STOX2: variants seen among roughly 807,000 people sequenced by gnomAD.
The protein encoded by STOX2 is storkhead box 2, also known as storkhead-box protein 2.
In STOX2, 28 loss-of-function variants were observed where a neutral mutation model predicts 60.9. The ratio of observed to expected loss-of-function variants is 0.46; its 90% confidence interval spans 0.34 to 0.63. The LOEUF is 0.63. Among genes scored for constraint, STOX2 ranks in the 30% least tolerant of loss-of-function variants. The pLI is 0.01. For synonymous variants in STOX2, 472 were observed against 463.9 expected (o/e 1.02, Z -0.22); for missense variants, 1,024 against 1,187.7 (o/e 0.86, Z 2.03).
At position 183,988,452 on chromosome 4, in the gene STOX2, C is replaced by T. The variant is rs182017328; in HGVS notation, c.167-12873C>T. On this transcript the variant is annotated intron_variant, in intron 1 of 3. Transcript: ENST00000308497. ...TTTTTTTTCCCTCCTCAAAACGTTA[C>T]CAGCAAAGTACATTCACAGAGCCTT... 3 of 152,156 alleles carry T rather than the reference C, an allele frequency of 2.0e-5. No homozygotes were observed. The East Asian group carries it at 5.8e-4, about 30-fold the overall frequency. 9.4% of individuals were successfully genotyped at this position (152,156 alleles called of 1,614,324 possible). A position where few individuals can be genotyped will look rare whatever the true frequency, so the allele number is the denominator to read the frequency against.
intron 1 of STOX2, among the ~76,000 whole-genome samples, chr4:183,888,025 A>C (rs1205359133): frequency 6.6e-6 from 1 of 152,174 alleles, no homozygotes; most frequent in African/African-American, 2.4e-5. Flanking sequence ...AAGTGTTGGG[A>C]TTACAGGTGT....
intron 1 of STOX2, among the ~76,000 whole-genome samples, chr4:183,979,005 T>G (rs1732547754): frequency 6.6e-6 from 1 of 152,244 alleles, no homozygotes; most frequent in Non-Finnish European, 1.5e-5. Flanking sequence ...AAGTGAATGG[T>G]ACCCGATTTT....
At chr4:183,833,059 G>T (rs188895141) in intron 1 of STOX2, among the ~76,000 whole-genome samples, 29 of 152,312 alleles carry the variant, frequency 1.9e-4, no homozygotes, top group African/African-American at 6.7e-4. Flanking sequence ...TATCCATGGC[G>T]ATGGTCTACC....
At chr4:183,893,530 A>T (rs547220423) in intron 1 of STOX2, among the ~76,000 whole-genome samples, 1 of 152,308 alleles carries the variant, frequency 6.6e-6, no homozygotes, top group South Asian at 2.1e-4. Context: ...TTTGCAACAG[A>T]TCTTGAGTCT....
Position 184,021,368 on chromosome 4 carries a change from A to G in STOX2, c.*4084A>G, listed in dbSNP as rs1010789382. On this transcript the variant is annotated 3_prime_UTR_variant, in exon 4 of 4. Coordinates refer to ENST00000308497, the MANE Select transcript of STOX2 (RefSeq NM_020225.3). Reference sequence around the variant, plus strand: ...AGAGCATCATGAGAAATCACAAAATACAATGCTATTTTTCTGATGTGTGCT... The same window carrying G: ...AGAGCATCATGAGAAATCACAAAATGCAATGCTATTTTTCTGATGTGTGCT... 30 of 152,260 alleles carry G rather than the reference A, an allele frequency of 2.0e-4. No homozygotes were observed. The highest frequency in any genetic ancestry group is 6.5e-4 in the African/African-American group (27 of 41,540). 9.4% of individuals were successfully genotyped at this position (152,260 alleles called of 1,614,324 possible).
At chr4:183,903,142 C>T (rs752870298), upstream of STOX2, among the ~76,000 whole-genome samples, 36 of 152,220 alleles carry the variant, frequency 2.4e-4, no homozygotes, top group East Asian at 1.7e-3. Flanking sequence ...AACTCTTCAA[C>T]GGCTCACACT....
rs1376963755 is a variant in STOX2 at position 184,010,481 on chromosome 4, C to T, written c.1643C>T (p.Ser548Phe). The stretch of plus-strand genomic sequence containing the variant: ...AGTCTCCAAAGGGCTCACATTTCGT[C>T]CACAAGCTATAAAGAGGTGTGTATT... Reference protein sequence around the residue: ...TVSLQRAHISSTSYKEVCIPE... With the variant: ...TVSLQRAHISFTSYKEVCIPE... The change falls in exon 3 of 4, where the codon TCC (serine) becomes TTC (phenylalanine). Residue 548 changes from serine (S) to phenylalanine (F), a missense_variant. Around this residue, in one of 3 missense-constraint regions of STOX2, gnomAD observed 922 missense variants for 1,058.3 expected, o/e 0.87. Coordinates refer to ENST00000308497, the MANE Select transcript of STOX2 (RefSeq NM_020225.3). The surrounding 1 kb of genome is among the most constrained non-coding windows in gnomAD (Gnocchi z 4.5). 1 of 1,613,736 alleles carries T rather than the reference C, an allele frequency of 6.2e-7. No homozygotes were observed. Among genetic ancestry groups the T allele is most frequent in the East Asian group, 2.2e-5 (1 of 44,896 alleles).
chr4:183,951,219 A>C (rs1436085624), intron 1 of STOX2, among the ~76,000 whole-genome samples: 2 of 129,048 alleles, frequency 1.5e-5, no homozygotes, highest in Non-Finnish European at 3.3e-5. Flanking sequence ...CGTCTCAAAA[A>C]AAAAGAAAAA....
chr4:183,819,327 C>A (rs537604455), intron 1 of STOX2, among the ~76,000 whole-genome samples: 1 of 151,856 alleles, frequency 6.6e-6, no homozygotes, highest in African/African-American at 2.4e-5. Flanking sequence ...CAGATCACTC[C>A]CGGTTAGGAG....
chr4:183,959,345 A>G (rs1029533771), intron 1 of STOX2, among the ~76,000 whole-genome samples: 1 of 152,198 alleles, frequency 6.6e-6, no homozygotes, highest in Non-Finnish European at 1.5e-5. Context: ...GGGGGTTTTC[A>G]AAAAGGTGAT....
At chr4:183,872,982 G>A (rs564928673) in intron 1 of STOX2, among the ~76,000 whole-genome samples, 2 of 152,284 alleles carry the variant, frequency 1.3e-5, no homozygotes, top group Admixed American at 6.5e-5. Flanking sequence ...TCTGAAACTT[G>A]TCTATAAGCT....
chr4:183,819,607 A>C (rs916205670), intron 1 of STOX2, among the ~76,000 whole-genome samples: 1 of 18,274 alleles, frequency 5.5e-5, no homozygotes, highest in Non-Finnish European at 1.1e-4. Flanking sequence ...TGGGAGGGGG[A>C]GGGGGAGGAG....
chr4:183,979,741 C>G (rs905899453), intron 1 of STOX2, among the ~76,000 whole-genome samples: 1 of 152,056 alleles, frequency 6.6e-6, no homozygotes, highest in Admixed American at 6.5e-5. Flanking sequence ...TTCTTCTAAT[C>G]AATGTCCTAA....
intron 1 of STOX2, among the ~76,000 whole-genome samples, chr4:183,936,979 A>G (rs1409370205): frequency 6.6e-6 from 1 of 152,258 alleles, no homozygotes; most frequent in Non-Finnish European, 1.5e-5. Flanking sequence ...TTATAAAGAC[A>G]TTATCTTACT....
At chr4:183,916,957 C>T (rs142653719) in intron 1 of STOX2, among the ~76,000 whole-genome samples, 1 of 152,278 alleles carries the variant, frequency 6.6e-6, no homozygotes, top group East Asian at 1.9e-4. Context: ...CTCTGTGCTC[C>T]GGCAGCACTT....
At chr4:183,966,329 T>C (rs781665607) in intron 1 of STOX2, among the ~76,000 whole-genome samples, 32 of 152,234 alleles carry the variant, frequency 2.1e-4, no homozygotes, top group Non-Finnish European at 4.1e-4. Flanking sequence ...ACCATAGTTA[T>C]GAATTTAGAA....
intron 1 of STOX2, among the ~76,000 whole-genome samples, chr4:183,829,596 A>G (rs1560834945): frequency 6.6e-6 from 1 of 152,214 alleles, no homozygotes; most frequent in South Asian, 2.1e-4. Flanking sequence ...AACACAGTAC[A>G]CTTTAAATTT....
intron 1 of STOX2, among the ~76,000 whole-genome samples, chr4:183,919,723 G>A (rs190125848): frequency 6.6e-6 from 1 of 151,440 alleles, no homozygotes; most frequent in Admixed American, 6.6e-5. Flanking sequence ...CTCCCCCCTC[G>A]GCCTCCCAAG....
Position 184,019,215 on chromosome 4 carries a change from T to C in STOX2, c.*1931T>C, listed in dbSNP as rs1388548463. On this transcript the variant is annotated 3_prime_UTR_variant, in exon 4 of 4. Transcript: ENST00000308497. Reference sequence around the variant, plus strand: ...CAGCATGTTTCTTAGTAAACTCCCATACCATTGAAATGCTTAAGCCAGTTG... The same window carrying C: ...CAGCATGTTTCTTAGTAAACTCCCACACCATTGAAATGCTTAAGCCAGTTG... 6.6e-6 allele frequency: 1 copy of C among 152,210 alleles called. No homozygotes were observed. Among genetic ancestry groups the C allele is most frequent in the African/African-American group, 2.4e-5 (1 of 41,442 alleles). 9.4% of individuals were successfully genotyped at this position (152,210 alleles called of 1,614,324 possible). A position where few individuals can be genotyped will look rare whatever the true frequency, so the allele number is the denominator to read the frequency against.
Sources: gnomAD v4.1 joint callset for allele counts (sites outside exome capture counted in the v4.1 genomes callset) on GRCh38, gnomAD v4.1.1 for gene constraint, gnomAD v4.1.1 regional missense constraint, Gnocchi (gnomAD v3.1) non-coding constraint, MANE v1.5 for transcripts, NCBI Gene and HGNC (gene_info 2026-07-23, HGNC 2026-07-21) for gene names.